The following TPRG1 variants were observed in gnomAD, a reference collection of about 807,000 sequenced individuals.
TPRG1 encodes tumor protein p63 regulated 1, also known as tumor protein p63-regulated gene 1 protein.
In TPRG1, 29 loss-of-function variants were observed where a neutral mutation model predicts 29.3. The observed-to-expected ratio is 0.99, with a 90% confidence interval of 0.74 to 1.35. The LOEUF (loss-of-function observed/expected upper bound fraction) is 1.35. Ranked by LOEUF, TPRG1 falls within the 40% of genes most tolerant of loss-of-function variation. The pLI, the probability that TPRG1 is intolerant of heterozygous loss-of-function variation, is 0.00. For synonymous variants in TPRG1, 130 were observed against 116.8 expected, an observed-to-expected ratio of 1.11 and a Z score of -0.73; for missense variants, 327 against 335.0, an observed-to-expected ratio of 0.98 and a Z score of 0.19.
At chr3:189,262,687 A>G (rs1256728926) in intron 4 of TPRG1, among the ~76,000 whole-genome samples, 1 of 152,248 alleles carries the variant, frequency 6.6e-6, no homozygotes, top group African/African-American at 2.4e-5. Context: ...AACACTTAGT[A>G]GTGTAAAATA....
intron 4 of TPRG1, among the ~76,000 whole-genome samples, chr3:189,301,676 C>T (rs1720862716): frequency 6.6e-6 from 1 of 152,156 alleles, no homozygotes; most frequent in Non-Finnish European, 1.5e-5. Context: ...AGGAGGCTGA[C>T]AGATAGCAAG....
At chr3:189,129,258 G>C (rs1269519835) in intron 2 of TPRG1, among the ~76,000 whole-genome samples, 1 of 152,060 alleles carries the variant, frequency 6.6e-6, no homozygotes, top group Non-Finnish European at 1.5e-5. Flanking sequence ...TGACACTTTT[G>C]AAGAGTACTG....
At chr3:189,159,840 A>ATGTGTGTGTG (rs57781182) in intron 5 of TPRG1, among the ~76,000 whole-genome samples, 4 of 138,486 alleles carry the variant, frequency 2.9e-5, no homozygotes, top group Non-Finnish European at 6.4e-5. Context: ...GTGTTTGTGT[A>ATGTGTGTGTG]TGTGTGTGTG....
intron 4 of TPRG1, among the ~76,000 whole-genome samples, chr3:189,035,289 A>G (rs1714190171): frequency 6.6e-6 from 1 of 152,214 alleles, no homozygotes; most frequent in Non-Finnish European, 1.5e-5. Context: ...AATTAACTCA[A>G]GATGGATTAA....
chr3:189,090,677 A>G (rs1469447096), intron 4 of TPRG1, among the ~76,000 whole-genome samples: 1 of 151,984 alleles, frequency 6.6e-6, no homozygotes, highest in African/African-American at 2.4e-5. Context: ...TCTGCCTTTT[A>G]TATTAACGTT....
chr3:189,308,678 G>A (rs1166341543), intron 4 of TPRG1, among the ~76,000 whole-genome samples: 3 of 152,158 alleles, frequency 2.0e-5, no homozygotes, highest in Non-Finnish European at 4.4e-5. Context: ...CTTCATTTGA[G>A]GTTTCCCTAA....
chr3:189,044,880 C>T (rs979268983), intron 4 of TPRG1, among the ~76,000 whole-genome samples: 2 of 152,128 alleles, frequency 1.3e-5, no homozygotes, highest in Non-Finnish European at 2.9e-5. Flanking sequence ...TTTAAACATA[C>T]AAGAGTATAG....
chr3:189,166,249 C>T (rs1728152664), intron 5 of TPRG1, among the ~76,000 whole-genome samples: 1 of 152,224 alleles, frequency 6.6e-6, no homozygotes, highest in African/African-American at 2.4e-5. Context: ...CTCTCTGGTT[C>T]AACTCCTATG....
chr3:189,100,499 C>T (rs980225067), intron 1 of TPRG1, among the ~76,000 whole-genome samples: 9 of 152,256 alleles, frequency 5.9e-5, no homozygotes, highest in African/African-American at 1.9e-4. Context: ...TAGTATATGT[C>T]TCTAACTGTC....
chr3:188,999,825 ACT>A (rs908587480), intron 1 of TPRG1, among the ~76,000 whole-genome samples: 2 of 151,974 alleles, frequency 1.3e-5, no homozygotes, highest in East Asian at 1.9e-4. Flanking sequence ...TACAATGAAC[ACT>A]CTTTCACATA....
intron 5 of TPRG1, among the ~76,000 whole-genome samples, chr3:189,153,345 C>A (rs1203533358): frequency 6.6e-6 from 1 of 152,128 alleles, no homozygotes; most frequent in Non-Finnish European, 1.5e-5. Flanking sequence ...AGTTTACACT[C>A]TTAAAAAACA....
At chr3:189,248,882 GCT>G (rs1741742606) in intron 4 of TPRG1, among the ~76,000 whole-genome samples, 1 of 150,734 alleles carries the variant, frequency 6.6e-6, no homozygotes, top group East Asian at 1.9e-4. Context: ...ACTTAAATGT[GCT>G]CTCTCTGCTT....
intron 4 of TPRG1, among the ~76,000 whole-genome samples, chr3:189,093,386 C>G (rs1211272225): frequency 6.6e-6 from 1 of 152,186 alleles, no homozygotes; most frequent in Non-Finnish European, 1.5e-5. Flanking sequence ...GGTGACCTTA[C>G]AGATTTGACC....
intron 4 of TPRG1, among the ~76,000 whole-genome samples, chr3:189,282,070 A>C (rs1207770076): frequency 6.6e-6 from 1 of 151,916 alleles, no homozygotes; most frequent in African/African-American, 2.4e-5. Context: ...TAGTAGAGAC[A>C]AGGTTTCACC....
At chr3:189,175,418 G>T (rs1435599167) in intron 1 of TPRG1, among the ~76,000 whole-genome samples, 1 of 152,204 alleles carries the variant, frequency 6.6e-6, no homozygotes, top group African/African-American at 2.4e-5. Context: ...GTGGAATGAG[G>T]CCAGAAGTCT....
intron 1 of TPRG1, among the ~76,000 whole-genome samples, chr3:189,194,853 A>T (rs1732269890): frequency 6.6e-6 from 1 of 152,078 alleles, no homozygotes; most frequent in Non-Finnish European, 1.5e-5. Context: ...CATGGCTATT[A>T]TCTGAGCCCT....
At chr3:189,154,275 A>G (rs919217975) in intron 5 of TPRG1, among the ~76,000 whole-genome samples, 1 of 152,236 alleles carries the variant, frequency 6.6e-6, no homozygotes, top group Non-Finnish European at 1.5e-5. Flanking sequence ...TTTTACGATT[A>G]TAAAAACTGA....
intron 5 of TPRG1, among the ~76,000 whole-genome samples, chr3:189,316,862 A>T (rs1222643503): frequency 6.6e-6 from 1 of 152,096 alleles, no homozygotes; most frequent in Admixed American, 6.6e-5. Context: ...TGTCACATAG[A>T]TTTAGTTCAG....
chr3:189,222,114 C>G (rs914246772), intron 3 of TPRG1, among the ~76,000 whole-genome samples: 17 of 152,114 alleles, frequency 1.1e-4, no homozygotes, highest in Non-Finnish European at 2.9e-5. Flanking sequence ...GTTCAGGGAC[C>G]TTTTCCTCTC....
Sources: gnomAD v4.1 joint callset for allele counts (sites outside exome capture counted in the v4.1 genomes callset) on GRCh38, gnomAD v4.1.1 for gene constraint, MANE v1.5 for transcripts, NCBI Gene and HGNC (gene_info 2026-07-23, HGNC 2026-07-21) for gene names.